Variants in GRM5 observed in about 807,000 individuals in gnomAD.
GRM5 encodes the protein glutamate metabotropic receptor 5.
In GRM5, 19 loss-of-function variants were observed where a neutral mutation model predicts 83.1. The ratio of observed to expected loss-of-function variants is 0.23; its 90% CI spans 0.16 to 0.34. The LOEUF (loss-of-function observed/expected upper bound fraction) is 0.34. Ranked by LOEUF, GRM5 falls within the 10% of genes least tolerant of loss-of-function variation. GRM5 has a pLI of 1.00. For synonymous variants in GRM5, 675 were observed against 633.6 expected (o/e 1.07, Z -0.98); for missense variants, 1,160 against 1,588.3 (o/e 0.73, Z 4.58).
At chr11:88,796,899 CGTGTGTGTGTGTGTGTGTGTGTGTGT>C (rs36203408) in intron 3 of GRM5, among the ~76,000 whole-genome samples, 1 of 143,470 alleles carries the variant, frequency 7.0e-6, no homozygotes, top group Admixed American at 6.9e-5. Context: ...CACACACACA[CGTGTGTGTGTGTGTGTGTGTGTGTGT>C]GTGTGTGTGT....
chr11:88,547,285 C>G (rs956342352), intron 8 of GRM5, among the ~76,000 whole-genome samples: 2 of 151,992 alleles, frequency 1.3e-5, no homozygotes, highest in Non-Finnish European at 2.9e-5. Context: ...GAAAGTGGAG[C>G]TATCTAGTTG....
intron 3 of GRM5, among the ~76,000 whole-genome samples, chr11:88,778,088 G>C (rs531303588): frequency 4.0e-4 from 61 of 152,088 alleles, no homozygotes; most frequent in African/African-American, 1.4e-3. Flanking sequence ...AGTAGGCCTT[G>C]TTGACCTGTG....
At chr11:88,757,999 C>T (rs1565216888) in intron 3 of GRM5, among the ~76,000 whole-genome samples, 2 of 152,054 alleles carry the variant, frequency 1.3e-5, no homozygotes, top group Non-Finnish European at 2.9e-5. Context: ...CCTTGCCCCA[C>T]TAAAATCTCC....
chr11:89,060,266 G>GTA lies in GRM5; in HGVS notation c.-201+5508_-201+5509dup, dbSNP rs71046276. Among the ~76,000 whole-genome samples the GTA allele has an allele frequency of 9.4e-3, 1,375 of 146,968 alleles. 29 individuals carry two copies. Among genetic ancestry groups the GTA allele is most frequent in the African/African-American group, 0.031 (1,219 of 39,840 alleles). ...TTGCCTTTTACATATATGGTAAATG[G>GTA]TATATATATATATATATATACACAC... On this transcript the variant is annotated intron_variant, in intron 1 of 9. Coordinates refer to ENST00000305447, the MANE Select transcript of GRM5 (RefSeq NM_001143831.3).
chr11:89,023,247 AG>A (rs1360015873), intron 2 of GRM5, among the ~76,000 whole-genome samples: 2 of 152,060 alleles, frequency 1.3e-5, no homozygotes, highest in African/African-American at 4.8e-5. Context: ...ATACACCATC[AG>A]GGGGGTAATT....
At chr11:89,018,935 A>T (rs1940919728) in intron 2 of GRM5, among the ~76,000 whole-genome samples, 1 of 152,170 alleles carries the variant, frequency 6.6e-6, no homozygotes, top group South Asian at 2.1e-4. Flanking sequence ...ACAAAGACTA[A>T]ACTAATATTG....
intron 2 of GRM5, among the ~76,000 whole-genome samples, chr11:88,976,780 G>GT (rs894832121): frequency 6.6e-6 from 1 of 151,696 alleles, no homozygotes; most frequent in Non-Finnish European, 1.5e-5. Flanking sequence ...CACACAAATT[G>GT]TTTTTTCAGA....
At chr11:88,726,658 C>A (rs1941687989) in intron 3 of GRM5, among the ~76,000 whole-genome samples, 1 of 152,160 alleles carries the variant, frequency 6.6e-6, no homozygotes, top group African/African-American at 2.4e-5. Context: ...AGATTACCCA[C>A]AAAGGGAAGC....
intron 3 of GRM5, among the ~76,000 whole-genome samples, chr11:88,779,459 C>T (rs1942929517): frequency 6.6e-6 from 1 of 152,140 alleles, no homozygotes; most frequent in African/African-American, 2.4e-5. Context: ...GGAAGGAGCA[C>T]CGTCGAGTCT....
chr11:88,908,470 C>G (rs1945439819), intron 2 of GRM5, among the ~76,000 whole-genome samples: 1 of 152,086 alleles, frequency 6.6e-6, no homozygotes, highest in Non-Finnish European at 1.5e-5. Context: ...CCACCTCTTT[C>G]ACATATAGCC....
intron 2 of GRM5, among the ~76,000 whole-genome samples, chr11:89,016,869 C>A (rs1481276304): frequency 6.6e-6 from 1 of 152,048 alleles, no homozygotes; most frequent in Non-Finnish European, 1.5e-5. Flanking sequence ...TTTTTCATTG[C>A]AAACTGGATA....
intron 3 of GRM5, among the ~76,000 whole-genome samples, chr11:88,846,761 A>C (rs1944309555): frequency 1.3e-5 from 1 of 74,244 alleles, no homozygotes; most frequent in Non-Finnish European, 2.6e-5. Flanking sequence ...GAGCAAAAAG[A>C]GAGATTTTCA....
intron 4 of GRM5, among the ~76,000 whole-genome samples, chr11:88,611,186 T>C (rs1272396325): frequency 6.6e-6 from 1 of 152,148 alleles, no homozygotes. Context: ...CTTTTATTGT[T>C]GTGTCTCTGC....
intron 3 of GRM5, among the ~76,000 whole-genome samples, chr11:88,759,791 T>C (rs923747878): frequency 6.6e-6 from 1 of 151,942 alleles, no homozygotes; most frequent in African/African-American, 2.4e-5. Flanking sequence ...GATTGCCACA[T>C]GGTACATATT....
At chr11:88,728,805 C>T (rs1941740509) in intron 3 of GRM5, among the ~76,000 whole-genome samples, 1 of 152,098 alleles carries the variant, frequency 6.6e-6, no homozygotes, top group African/African-American at 2.4e-5. Flanking sequence ...GCAGAAAAGG[C>T]CTTCGATAAA....
intron 2 of GRM5, among the ~76,000 whole-genome samples, chr11:89,040,596 G>C (rs2135140498): frequency 6.6e-6 from 1 of 152,236 alleles, no homozygotes; most frequent in East Asian, 1.9e-4. Flanking sequence ...AGATACTTGG[G>C]AGGCTGAACC....
chr11:88,546,487 C>A (rs1942387820), intron 8 of GRM5, among the ~76,000 whole-genome samples: 1 of 151,956 alleles, frequency 6.6e-6, no homozygotes, highest in Admixed American at 6.6e-5. Flanking sequence ...ATGACTTTTG[C>A]TTTGCTTTAT....
intron 3 of GRM5, among the ~76,000 whole-genome samples, chr11:88,790,517 G>T (rs3893110): frequency 0.69 from 105,336 of 152,102 alleles, 36,998 homozygotes; most frequent in Non-Finnish European, 0.75. Flanking sequence ...AGATGAAGCA[G>T]GAAACTCTTC....
chr11:88,541,676 C>G (rs1365633766), intron 8 of GRM5, among the ~76,000 whole-genome samples: 2 of 152,148 alleles, frequency 1.3e-5, no homozygotes, highest in African/African-American at 2.4e-5. Flanking sequence ...ACTTATATAA[C>G]TTTTTCTCAA....
Sources: gnomAD v4.1 joint callset for allele counts (sites outside exome capture counted in the v4.1 genomes callset) on GRCh38, gnomAD v4.1.1 for gene constraint, MANE v1.5 for transcripts, NCBI Gene and HGNC (gene_info 2026-07-23, HGNC 2026-07-21) for gene names.